Variants in POTED observed in about 807,000 individuals in gnomAD.
The protein encoded by POTED is POTE ankyrin domain family member D, also known as ANKRD26-like family B member 3.
Under a neutral mutation model 19.0 loss-of-function variants are expected in POTED, and 7 were observed. The ratio of observed to expected loss-of-function variants is 0.37; its 90% CI spans 0.21 to 0.69. POTED has a LOEUF of 0.69. Among genes scored for constraint, POTED ranks in the 30% least tolerant of loss-of-function variants. The probability of loss-of-function intolerance (pLI) is 0.56; values close to 1 mark genes in which losing one functional copy is unlikely to be tolerated. For synonymous variants in POTED, 16 were observed against 92.0 expected (o/e 0.17, Z 4.73); for missense variants, 54 against 278.5 (o/e 0.19, Z 5.74).
At position 13,645,396 on chromosome 21, in the gene POTED, A is replaced by C. The variant is rs2011306829; in HGVS notation, c.*3830A>C. On this transcript the variant is annotated 3_prime_UTR_variant, in exon 11 of 11. Coordinates refer to ENST00000299443, the MANE Select transcript of POTED (RefSeq NM_174981.6). ...TTCCATCAGATTTAGCAGACCTCTC[A>C]ACTGAAACTGTACAAGCCAGAAAAG... is the stretch of plus-strand genomic sequence containing the variant. Among the ~76,000 whole-genome samples the C allele has an allele frequency of 7.6e-6, 1 of 131,456 alleles. No homozygotes were observed. The highest frequency in any genetic ancestry group is 3.1e-5 in the African/African-American group (1 of 31,874). 86.2% of individuals were successfully genotyped at this position (131,456 alleles called of 152,430 possible). A position where few individuals can be genotyped will look rare whatever the true frequency, so the allele number is the denominator to read the frequency against.
Position 13,640,550 on chromosome 21 carries a change from GTT to G in POTED, c.1534-793_1534-792del, listed in dbSNP as rs1296405975. ...TGTGTGTGTGTGTGTGTGTGTGTGT[GTT>G]TGTGTGTGTGTATTCTAGATGGAGT... is the stretch of plus-strand genomic sequence containing the variant. On this transcript the variant is annotated intron_variant, in intron 10 of 10. Transcript: ENST00000299443. Among the ~76,000 whole-genome samples, 332 of 72,982 alleles carry G rather than the reference GTT, an allele frequency of 4.5e-3. 108 individuals carry two copies. The highest frequency in any genetic ancestry group is 0.041 in the East Asian group (61 of 1,476). 47.9% of individuals were successfully genotyped at this position (72,982 alleles called of 152,430 possible).
At chr21:13,639,707 G>A (rs1263996861) in intron 10 of POTED, 69 bp downstream of exon 10, 1 of 508,532 alleles carries the variant, frequency 2.0e-6, no homozygotes. Flanking sequence ...TATTTTGGAA[G>A]GTATAAAGGA....
At position 13,631,198 on chromosome 21, in the gene POTED, A is replaced by G. The variant is rs1356940833; in HGVS notation, c.1409+91A>G. The G allele has an allele frequency of 4.3e-5, 36 of 834,474 alleles. 3 individuals carry two copies. The highest frequency in any genetic ancestry group is 1.3e-5 in the Non-Finnish European group (8 of 614,466). 51.7% of individuals were successfully genotyped at this position (834,474 alleles called of 1,614,324 possible). On this transcript the variant is annotated intron_variant, in intron 9 of 10. Transcript: ENST00000299443. ...AATATTCATGATGAACAAATTTTAT[A>G]CTTTTACTAGAATATTCAGCCTTGC... is the stretch of plus-strand genomic sequence containing the variant.
At chr21:13,639,869 G>T (rs2011258713) in intron 10 of POTED, among the ~76,000 whole-genome samples, 1 of 64,918 alleles carries the variant, frequency 1.5e-5, no homozygotes, top group South Asian at 4.8e-4. Context: ...TAATTCAACT[G>T]CATTTGCCTG....
At position 13,637,004 on chromosome 21, in the gene POTED, A is replaced by ATATATATATATATATATATTT. The variant is rs1481200854; in HGVS notation, c.1410-2510_1410-2509insATATATATATATATATATTTT. On this transcript the variant is annotated intron_variant, in intron 9 of 10. Coordinates refer to ENST00000299443, the MANE Select transcript of POTED (RefSeq NM_174981.6). ...TACCCAGTCTCAGGTATATATATAT[A>ATATATATATATATATATATTT]TTTTTTTTTTTTTTTCTTTATTCCA... Among the ~76,000 whole-genome samples the ATATATATATATATATATATTT allele has an allele frequency of 6.5e-3, 106 of 16,360 alleles. 7 individuals carry two copies. The highest frequency in any genetic ancestry group is 9.7e-3 in the Non-Finnish European group (99 of 10,182). The allele number at this position is 16,360 out of a possible 152,430, so 10.7% of individuals were successfully genotyped here.
intron 9 of POTED, 89 bp downstream of exon 9, chr21:13,631,196 A>G: frequency 1.2e-6 from 1 of 822,746 alleles, no homozygotes; most frequent in Non-Finnish European, 1.7e-6. Context: ...AACAAATTTT[A>G]TACTTTTACT....
rs1213001311 is a variant in POTED, at chr21:13,640,524, G to A, written c.1534-821G>A. Reference sequence around the variant, plus strand: ...AAAATCCTGCACGTTGCATATATACGTGTGTGTGTGTGTGTGTGTGTGTGT... The same window carrying A: ...AAAATCCTGCACGTTGCATATATACATGTGTGTGTGTGTGTGTGTGTGTGT... On this transcript the variant is annotated intron_variant, in intron 10 of 10. Coordinates refer to ENST00000299443, the MANE Select transcript of POTED (RefSeq NM_174981.6). Among the ~76,000 whole-genome samples, 3 of 71,162 alleles carry A rather than the reference G, an allele frequency of 4.2e-5. 1 individual carries two copies. The highest frequency in any genetic ancestry group is 8.3e-4 in the South Asian group (2 of 2,420). 46.7% of individuals were successfully genotyped at this position (71,162 alleles called of 152,430 possible). A position where few individuals can be genotyped will look rare whatever the true frequency, so the allele number is the denominator to read the frequency against.
chr21:13,612,030 A>G lies in POTED; in HGVS notation c.521+1281A>G, dbSNP rs2011143302. Among the ~76,000 whole-genome samples the G allele has an allele frequency of 4.3e-5, 3 of 70,390 alleles. 1 individual carries two copies. The highest frequency in any genetic ancestry group is 7.2e-5 in the Non-Finnish European group (3 of 41,438). The allele number at this position is 70,390 out of a possible 152,430, so 46.2% of individuals were successfully genotyped here. On this transcript the variant is annotated intron_variant, in intron 1 of 10. Transcript: ENST00000299443. ...CTGAAACCGGCATATATATGCAGAT[A>G]TAATAAAATAAGCTCAATTTAAAAT...
rs1210285061 is a variant in POTED, at chr21:13,611,265, A to T, written c.521+516A>T. ...AATAGGAAGGTTCGTTTTTCTTAAG[A>T]TGTGAGCTTTTTCTGTGTTTATCAC... On this transcript the variant is annotated intron_variant, in intron 1 of 10. Coordinates refer to ENST00000299443, the MANE Select transcript of POTED (RefSeq NM_174981.6). Among the ~76,000 whole-genome samples the T allele has an allele frequency of 8.7e-5, 7 of 80,356 alleles. 2 individuals carry two copies. Among genetic ancestry groups the T allele is most frequent in the Non-Finnish European group, 1.5e-4 (7 of 45,844 alleles). 52.7% of individuals were successfully genotyped at this position (80,356 alleles called of 152,430 possible).
At chr21:13,614,099 A>G (rs1166647650) in intron 1 of POTED, among the ~76,000 whole-genome samples, 7 of 107,342 alleles carry the variant, frequency 6.5e-5, no homozygotes, top group African/African-American at 2.5e-4. Flanking sequence ...AAGCTCCACA[A>G]ATAGTTTCAT....
chr21:13,627,725 G>A lies in POTED; in HGVS notation c.1127-657G>A, dbSNP rs890206397. ...CTTGGCTTATATAGGCAAACTTACA[G>A]AAGCAGAACAAAGGCAGTTAATCAT... is the stretch of plus-strand genomic sequence containing the variant. On this transcript the variant is annotated intron_variant, in intron 6 of 10. Transcript: ENST00000299443. Among the ~76,000 whole-genome samples, 6 of 36,310 alleles carry A rather than the reference G, an allele frequency of 1.7e-4. 2 individuals carry two copies. Among genetic ancestry groups the A allele is most frequent in the Non-Finnish European group, 8.8e-5 (2 of 22,680 alleles). The allele number at this position is 36,310 out of a possible 152,430, so 23.8% of individuals were successfully genotyped here.
chr21:13,619,485 G>A lies in POTED; in HGVS notation c.918-673G>A, dbSNP rs1175267052. Among the ~76,000 whole-genome samples the A allele has an allele frequency of 2.9e-5, 2 of 67,920 alleles. 1 individual carries two copies. The highest frequency in any genetic ancestry group is 5.1e-5 in the Non-Finnish European group (2 of 38,994). The allele number at this position is 67,920 out of a possible 152,430, so 44.6% of individuals were successfully genotyped here. A position where few individuals can be genotyped will look rare whatever the true frequency, so the allele number is the denominator to read the frequency against. On this transcript the variant is annotated intron_variant, in intron 4 of 10. Coordinates refer to ENST00000299443, the MANE Select transcript of POTED (RefSeq NM_174981.6). ...ACTAGCTGGGCATGGAAAAAAAAAAGAGAAAAGAGCTAGGCTTTGGATTCA... is the reference window on the plus strand; with the variant it reads ...ACTAGCTGGGCATGGAAAAAAAAAAAAGAAAAGAGCTAGGCTTTGGATTCA...
rs1367233527 is a variant in POTED, at chr21:13,636,992, G to GTATATATATATATA, written c.1410-2510_1410-2509insATATATATATATAT. The stretch of plus-strand genomic sequence containing the variant: ...TCCTTTATGAATTACCCAGTCTCAG[G>GTATATATATATATA]TATATATATATATTTTTTTTTTTTT... On this transcript the variant is annotated intron_variant, in intron 9 of 10. Coordinates refer to ENST00000299443, the MANE Select transcript of POTED (RefSeq NM_174981.6). Among the ~76,000 whole-genome samples the GTATATATATATATA allele has an allele frequency of 2.3e-4, 3 of 13,092 alleles. 1 individual carries two copies. Among genetic ancestry groups the GTATATATATATATA allele is most frequent in the African/African-American group, 1.1e-3 (1 of 896 alleles). 8.6% of individuals were successfully genotyped at this position (13,092 alleles called of 152,430 possible). A position where few individuals can be genotyped will look rare whatever the true frequency, so the allele number is the denominator to read the frequency against.
chr21:13,637,018 T>A (rs1420528698), intron 9 of POTED, among the ~76,000 whole-genome samples: 1 of 26,222 alleles, frequency 3.8e-5, no homozygotes, highest in Non-Finnish European at 6.1e-5. Context: ...TTTTTTTTTT[T>A]TCTTTATTCC....
Position 13,630,611 on chromosome 21 carries a change from T to TG in POTED, c.1243-326dup, listed in dbSNP as rs1343817533. ...TATTTTTGTGTTCCCACGAGTCAAA[T>TG]GGGGTAAATTCATATATAAGATTCT... is the stretch of plus-strand genomic sequence containing the variant. On this transcript the variant is annotated intron_variant, in intron 8 of 10. Transcript: ENST00000299443. Among the ~76,000 whole-genome samples the TG allele has an allele frequency of 3.6e-4, 29 of 80,778 alleles. 8 individuals are homozygous for TG. The highest frequency in any genetic ancestry group is 5.9e-4 in the Non-Finnish European group (27 of 45,810). 53.0% of individuals were successfully genotyped at this position (80,778 alleles called of 152,430 possible).
chr21:13,612,606 T>C (rs1448970222), intron 1 of POTED, among the ~76,000 whole-genome samples: 1 of 85,408 alleles, frequency 1.2e-5, no homozygotes, highest in Non-Finnish European at 2.1e-5. Flanking sequence ...ACTTTTCAAA[T>C]AGACACTTTG....
In POTED at chr21:13,626,557, G is replaced by T. The variant is rs1357281974; in HGVS notation, c.1127-1825G>T. Among the ~76,000 whole-genome samples, 2 of 103,262 alleles carry T rather than the reference G, an allele frequency of 1.9e-5. 1 individual carries two copies. The highest frequency in any genetic ancestry group is 1.8e-4 in the Admixed American group (2 of 10,914). 67.7% of individuals were successfully genotyped at this position (103,262 alleles called of 152,430 possible). On this transcript the variant is annotated intron_variant, in intron 6 of 10. Coordinates refer to ENST00000299443, the MANE Select transcript of POTED (RefSeq NM_174981.6). ...ATAGGACCAGGGACCACTCTTGAAC[G>T]TTAATGTCTAAGCATCTTAAAAGTA...
intron 9 of POTED, 135 bp from the exon 10 acceptor site, chr21:13,639,380 G>T: frequency 1.6e-6 from 1 of 638,002 alleles, no homozygotes; most frequent in South Asian, 2.6e-5. Flanking sequence ...TTTAACAGAT[G>T]TGAAACCCCT....
rs2123211459 is a variant in POTED at position 13,620,203 on chromosome 21, C to T, written c.963C>T (p.Val321=). 2 of 644,942 alleles carry T rather than the reference C, an allele frequency of 3.1e-6. 1 individual carries two copies. The highest frequency in any genetic ancestry group is 9.5e-5 in the East Asian group (2 of 21,120). 40.0% of individuals were successfully genotyped at this position (644,942 alleles called of 1,614,324 possible). Reference sequence around the variant, plus strand: ...TATGTTGTGGATCAGCAAGTATAGTCAATCTTCTACTTGAGCAAAATGTTG... The same window carrying T: ...TATGTTGTGGATCAGCAAGTATAGTTAATCTTCTACTTGAGCAAAATGTTG... ...LAVCCGSASI[V]NLLLEQNVDV... is the part of the protein sequence containing the mutation. The change falls in exon 5 of 11, where the codon GTC becomes GTT. Residue 321 remains valine, a synonymous_variant. Transcript: ENST00000299443.
Sources: gnomAD v4.1 joint callset for allele counts (sites outside exome capture counted in the v4.1 genomes callset) on GRCh38, gnomAD v4.1.1 for gene constraint, MANE v1.5 for transcripts, NCBI Gene and HGNC (gene_info 2026-07-23, HGNC 2026-07-21) for gene names.